Variants in GSE1 observed in about 807,000 individuals in gnomAD.
The protein encoded by GSE1 is Gse1 coiled-coil protein.
A neutral mutation model predicts 112.6 loss-of-function variants in GSE1; 32 were observed. The observed-to-expected ratio is 0.28, with a 90% CI of 0.21 to 0.38. The LOEUF (loss-of-function observed/expected upper bound fraction) is 0.38. Ranked by LOEUF, GSE1 falls within the 10% of genes least tolerant of loss-of-function variation. The pLI, the probability that GSE1 is intolerant of heterozygous loss-of-function variation, is 1.00. For missense variants in GSE1, 2,348 were observed against 1,699.2 expected, an observed-to-expected ratio of 1.38 and a Z score of -6.71; for synonymous variants, 1,115 against 735.6, an observed-to-expected ratio of 1.52 and a Z score of -8.35.
intron 1 of GSE1, among the ~76,000 whole-genome samples, chr16:85,331,349 G>GTATATATATA (rs1424445543): frequency 5.9e-5 from 4 of 67,356 alleles, no homozygotes; most frequent in East Asian, 5.6e-4. Flanking sequence ...GTGTGTGTGT[G>GTATATATATA]TGTGTGTGTG....
intron 1 of GSE1, among the ~76,000 whole-genome samples, chr16:85,290,272 G>A (rs996404000): frequency 1.3e-5 from 2 of 152,146 alleles, no homozygotes; most frequent in African/African-American, 2.4e-5. Context: ...CAGCAGACCC[G>A]GGCCCCTGCC....
At chr16:85,226,945 C>CA in intron 1 of GSE1, among the ~76,000 whole-genome samples, 1 of 152,164 alleles carries the variant, frequency 6.6e-6, no homozygotes, top group East Asian at 1.9e-4. Context: ...AGGAATAAGT[C>CA]AGTCAGGTAG....
At position 85,559,538 on chromosome 16, in the gene GSE1, C is replaced by T. The variant is rs575308082; in HGVS notation, c.37+3175C>T. Among the ~76,000 whole-genome samples the T allele has an allele frequency of 3.3e-5, 5 of 152,332 alleles. No homozygotes were observed. In the South Asian group the frequency reaches 8.3e-4, roughly 25 times the overall value. ...CACTGCAGGGAGCAAGGGCCCAGAA[C>T]CCGCCTGTCCAGCCATTGCCCCAGG... is the stretch of plus-strand genomic sequence containing the variant. On this transcript the variant is annotated intron_variant, in intron 1 of 2. Transcript: ENST00000635906.
chr16:85,338,972 C>T (rs1031165489), intron 1 of GSE1, among the ~76,000 whole-genome samples: 7 of 152,170 alleles, frequency 4.6e-5, no homozygotes, highest in Non-Finnish European at 1.0e-4. Flanking sequence ...ATCCTGTGAG[C>T]GTCGTCGGTT....
chr16:85,551,170 G>A (rs560650850), upstream of GSE1, among the ~76,000 whole-genome samples: 3 of 152,310 alleles, frequency 2.0e-5, no homozygotes, highest in South Asian at 2.1e-4. Context: ...CCTCCCCAGC[G>A]GTGAGCTGAG....
intron 1 of GSE1, among the ~76,000 whole-genome samples, chr16:85,224,039 AC>A (rs2075438917): frequency 6.6e-6 from 1 of 151,902 alleles, no homozygotes; most frequent in Admixed American, 6.6e-5. Context: ...CATTATCAGC[AC>A]CATTTTCAAG....
At chr16:85,564,318 G>A (rs2045647292) in intron 1 of GSE1, among the ~76,000 whole-genome samples, 1 of 152,158 alleles carries the variant, frequency 6.6e-6, no homozygotes, top group Admixed American at 6.5e-5. Flanking sequence ...ACAAGACTCA[G>A]CACATTAGGT....
intron 1 of GSE1, among the ~76,000 whole-genome samples, chr16:85,254,289 C>A (rs1159072010): frequency 6.6e-6 from 1 of 152,198 alleles, no homozygotes; most frequent in Non-Finnish European, 1.5e-5. Context: ...TGGGACCCAG[C>A]TTTTCTCCCA....
intron 1 of GSE1, among the ~76,000 whole-genome samples, chr16:85,297,127 C>T (rs975045094): frequency 1.7e-4 from 26 of 152,236 alleles, no homozygotes; most frequent in African/African-American, 5.8e-4. Flanking sequence ...TGCTGCCCGC[C>T]CTCTACCCGG....
At chr16:85,349,500 G>A (rs936914437) in intron 1 of GSE1, among the ~76,000 whole-genome samples, 16 of 152,006 alleles carry the variant, frequency 1.1e-4, no homozygotes, top group African/African-American at 3.9e-4. Context: ...CCTGGCAGAC[G>A]ACAGCACTGG....
At chr16:85,329,039 C>T (rs1405445304) in intron 1 of GSE1, among the ~76,000 whole-genome samples, 2 of 152,190 alleles carry the variant, frequency 1.3e-5, no homozygotes, top group East Asian at 1.9e-4. Flanking sequence ...TCAGCTGCCC[C>T]GCCCCTAGTG....
At chr16:85,651,952 C>T (rs1440791534) in intron 3 of GSE1, among the ~76,000 whole-genome samples, 1 of 152,232 alleles carries the variant, frequency 6.6e-6, no homozygotes, top group Non-Finnish European at 1.5e-5. Context: ...GTGTGTCCTT[C>T]CTCGTGCTCC....
upstream of GSE1, chr16:85,555,681 C>A (rs917780059): frequency 4.0e-5 from 37 of 935,584 alleles, no homozygotes; most frequent in South Asian, 7.0e-4. Flanking sequence ...CGCCGCCCCC[C>A]CCTTCCTTTT....
chr16:85,530,457 C>G (rs971921325), intron 2 of GSE1, among the ~76,000 whole-genome samples: 3 of 152,034 alleles, frequency 2.0e-5, no homozygotes. Context: ...GCAGCCAGCT[C>G]GACACTGAGC....
intron 1 of GSE1, among the ~76,000 whole-genome samples, chr16:85,172,628 C>G (rs1402146923): frequency 1.3e-5 from 2 of 152,248 alleles, no homozygotes; most frequent in Non-Finnish European, 2.9e-5. Context: ...GTGGCAGTCA[C>G]CAACCCGGCC....
At chr16:85,218,918 G>C (rs1438422061) in intron 1 of GSE1, among the ~76,000 whole-genome samples, 3 of 151,998 alleles carry the variant, frequency 2.0e-5, no homozygotes, top group Non-Finnish European at 4.4e-5. Flanking sequence ...CTGGCTCTGT[G>C]GCCCAGGCTG....
chr16:85,508,193 C>T (rs1366290259), intron 2 of GSE1, among the ~76,000 whole-genome samples: 1 of 152,120 alleles, frequency 6.6e-6, no homozygotes, highest in Non-Finnish European at 1.5e-5. Flanking sequence ...GTCACCACGC[C>T]CAGCTAATTT....
At chr16:85,371,633 G>T (rs146783279) in intron 2 of GSE1, among the ~76,000 whole-genome samples, 3 of 152,302 alleles carry the variant, frequency 2.0e-5, no homozygotes, top group African/African-American at 7.2e-5. Context: ...TCTGCTGCTG[G>T]CACCCCTATT....
At chr16:85,298,333 C>T (rs1383170623) in intron 1 of GSE1, among the ~76,000 whole-genome samples, 1 of 152,228 alleles carries the variant, frequency 6.6e-6, no homozygotes, top group African/African-American at 2.4e-5. Context: ...ATCTCCACCT[C>T]CTTCTTAAAC....
Sources: allele counts gnomAD v4.1 joint callset (sites outside exome capture counted in the v4.1 genomes callset), GRCh38; gene constraint gnomAD v4.1.1; transcripts MANE v1.5; gene names NCBI Gene and HGNC (gene_info 2026-07-23, HGNC 2026-07-21).